The following SPECC1 variants were observed in gnomAD, a reference collection of about 807,000 sequenced individuals.
SPECC1 encodes the protein cytospin-B.
SPECC1 carries 62 observed loss-of-function variants against 104.1 expected under a neutral mutation model. The ratio of observed to expected loss-of-function variants is 0.60; its 90% CI spans 0.49 to 0.74. The LOEUF (loss-of-function observed/expected upper bound fraction) is 0.74. Among genes scored for constraint, SPECC1 ranks in the 30% least tolerant of loss-of-function variants. SPECC1 has a pLI of 0.00. For synonymous variants in SPECC1, 513 were observed against 501.6 expected (o/e 1.02, Z -0.30); for missense variants, 1,306 against 1,310.5 (o/e 1.00, Z 0.05).
chr17:20,123,071 G>A (rs1315144967), intron 3 of SPECC1, among the ~76,000 whole-genome samples: 1 of 152,198 alleles, frequency 6.6e-6, no homozygotes, highest in African/African-American at 2.4e-5. Context: ...CATGTTAGCA[G>A]TGGGATGAGT....
chr17:20,306,774 T>A (rs572482699), intron 14 of SPECC1, among the ~76,000 whole-genome samples: 1 of 152,238 alleles, frequency 6.6e-6, no homozygotes. Flanking sequence ...CATGAAGCCC[T>A]TAGTATACTC....
intron 3 of SPECC1, among the ~76,000 whole-genome samples, chr17:20,201,978 A>G (rs1469063198): frequency 6.6e-6 from 1 of 152,264 alleles, no homozygotes; most frequent in African/African-American, 2.4e-5. Flanking sequence ...TCATGAATGC[A>G]TAAAATACAT....
intron 12 of SPECC1, among the ~76,000 whole-genome samples, chr17:20,263,526 T>C (rs2040107695): frequency 6.7e-6 from 1 of 149,838 alleles, no homozygotes; most frequent in South Asian, 2.1e-4. Flanking sequence ...AATAAAAATA[T>C]ATTAAAAGAA....
intron 7 of SPECC1, chr17:20,237,202 T>C (rs1490615567): frequency 3.9e-6 from 5 of 1,281,862 alleles, no homozygotes; most frequent in Non-Finnish European, 5.0e-6. Context: ...TGAAAAGTTA[T>C]TTGCAGCTGG....
chr17:20,088,224 G>A (rs543729887), intron 1 of SPECC1, among the ~76,000 whole-genome samples: 1 of 152,266 alleles, frequency 6.6e-6, no homozygotes, highest in African/African-American at 2.4e-5. Context: ...TGATTTTTGT[G>A]TACGTGTCTT....
chr17:20,059,353 T>C (rs1298629249), intron 1 of SPECC1, among the ~76,000 whole-genome samples: 1 of 152,064 alleles, frequency 6.6e-6, no homozygotes, highest in African/African-American at 2.4e-5. Context: ...CAGTTCACAA[T>C]AGGGTTCATG....
chr17:20,286,867 A>G (rs1281927578), intron 12 of SPECC1, among the ~76,000 whole-genome samples: 2 of 152,152 alleles, frequency 1.3e-5, no homozygotes, highest in Non-Finnish European at 2.9e-5. Context: ...TGATGGCATG[A>G]TCCCATCGCT....
intron 3 of SPECC1, among the ~76,000 whole-genome samples, chr17:20,195,610 T>C (rs1196805133): frequency 6.6e-6 from 1 of 150,900 alleles, no homozygotes; most frequent in African/African-American, 2.4e-5. Context: ...CAGTCTGGAG[T>C]GTAGTGACGC....
intron 1 of SPECC1, among the ~76,000 whole-genome samples, chr17:20,014,706 A>G (rs1295850272): frequency 1.3e-5 from 2 of 151,834 alleles, no homozygotes; most frequent in Non-Finnish European, 2.9e-5. Flanking sequence ...GAAGCTTTAC[A>G]ATTTTTTTTC....
intron 1 of SPECC1, among the ~76,000 whole-genome samples, chr17:20,034,153 A>G (rs913961841): frequency 2.0e-5 from 3 of 150,762 alleles, no homozygotes; most frequent in African/African-American, 7.3e-5. Context: ...GCTGGAGTGC[A>G]GTGGCACAAT....
chr17:20,170,352 A>G (rs1308477689), intron 3 of SPECC1, among the ~76,000 whole-genome samples: 1 of 152,234 alleles, frequency 6.6e-6, no homozygotes, highest in Non-Finnish European at 1.5e-5. Context: ...TTGAATTCTC[A>G]GGAGAAAGTA....
At chr17:20,193,597 A>G (rs1272721572) in intron 3 of SPECC1, among the ~76,000 whole-genome samples, 1 of 152,216 alleles carries the variant, frequency 6.6e-6, no homozygotes, top group Non-Finnish European at 1.5e-5. Flanking sequence ...GGTAAGGTCC[A>G]TTCATAACTC....
At chr17:20,029,114 GC>G (rs1385106588) in intron 1 of SPECC1, among the ~76,000 whole-genome samples, 17 of 152,332 alleles carry the variant, frequency 1.1e-4, no homozygotes, top group Admixed American at 1.0e-3. Flanking sequence ...AATTTGGAGA[GC>G]ATTGCCAGTA....
chr17:20,085,602 A>G (rs1430567136), intron 1 of SPECC1, among the ~76,000 whole-genome samples: 1 of 152,250 alleles, frequency 6.6e-6, no homozygotes, highest in Non-Finnish European at 1.5e-5. Context: ...GGCACTGAAT[A>G]AATTAACCCT....
At chr17:20,132,249 C>T (rs1473915705) in intron 3 of SPECC1, among the ~76,000 whole-genome samples, 1 of 152,016 alleles carries the variant, frequency 6.6e-6, no homozygotes, top group Non-Finnish European at 1.5e-5. Context: ...TCCACTTGGT[C>T]GTGGTATATG....
intron 6 of SPECC1, 140 bp from the exon 7 acceptor site, chr17:20,232,060 G>T: frequency 9.6e-7 from 1 of 1,039,910 alleles, no homozygotes; most frequent in Non-Finnish European, 1.4e-6. Flanking sequence ...TTTCCTAGCA[G>T]TGAGCCACCG....
intron 1 of SPECC1, among the ~76,000 whole-genome samples, chr17:20,062,870 T>A (rs2046237262): frequency 6.6e-6 from 1 of 152,028 alleles, no homozygotes; most frequent in African/African-American, 2.4e-5. Context: ...GTATTTTTAG[T>A]GGAGACAGGG....
At chr17:20,021,201 TG>T (rs991443172) in intron 1 of SPECC1, among the ~76,000 whole-genome samples, 4 of 151,906 alleles carry the variant, frequency 2.6e-5, no homozygotes, top group African/African-American at 9.7e-5. Context: ...CTTGCTGTCT[TG>T]GGGGTAGCAG....
At position 20,279,748 on chromosome 17, in the gene SPECC1, A is replaced by G. The variant is rs77181158; in HGVS notation, c.2941-17213A>G. Among the ~76,000 whole-genome samples the G allele has an allele frequency of 4.3e-3, 659 of 152,378 alleles. 10 individuals carry two copies. The East Asian group carries it at 0.061, about 14-fold the overall frequency. ...AATTCTGCTGACTACAGAGTCAGAA[A>G]GGGTTTAAAAACCATGGTGACAGGT... On this transcript the variant is annotated intron_variant, in intron 12 of 14. Transcript: ENST00000395527.
Sources: gnomAD v4.1 joint callset for allele counts (sites outside exome capture counted in the v4.1 genomes callset) on GRCh38, gnomAD v4.1.1 for gene constraint, MANE v1.5 for transcripts, NCBI Gene and HGNC (gene_info 2026-07-23, HGNC 2026-07-21) for gene names.